The following THSD7B variants were observed in gnomAD, a reference collection of about 807,000 sequenced individuals.
THSD7B encodes thrombospondin type 1 domain containing 7B.
Under a neutral mutation model 213.6 loss-of-function variants are expected in THSD7B, and 138 were observed. The ratio of observed to expected loss-of-function variants is 0.65; its 90% CI spans 0.56 to 0.74. The LOEUF is 0.74. THSD7B is among the 30% of genes least tolerant of loss of function. THSD7B has a pLI of 0.00. For synonymous variants in THSD7B, 742 were observed against 687.0 expected (o/e 1.08, Z -1.25); for missense variants, 1,931 against 1,991.5 (o/e 0.97, Z 0.58).
At chr2:137,636,303 T>G (rs1248631840) in intron 20 of THSD7B, among the ~76,000 whole-genome samples, 2 of 152,096 alleles carry the variant, frequency 1.3e-5, no homozygotes, top group Non-Finnish European at 2.9e-5. Flanking sequence ...CAATATGGAG[T>G]GATCTTCACA....
At chr2:137,446,529 AT>A (rs538071442) in intron 14 of THSD7B, among the ~76,000 whole-genome samples, 75 of 151,988 alleles carry the variant, frequency 4.9e-4, no homozygotes, top group African/African-American at 1.6e-3. Flanking sequence ...CTGTAATAGG[AT>A]TTTTTTTGAG....
intron 12 of THSD7B, among the ~76,000 whole-genome samples, chr2:137,354,723 A>T (rs1187890732): frequency 6.6e-6 from 1 of 152,068 alleles, no homozygotes; most frequent in Non-Finnish European, 1.5e-5. Context: ...TTTTTGTATT[A>T]TGAAATTTAG....
At chr2:137,399,891 A>G (rs1302673328) in intron 12 of THSD7B, among the ~76,000 whole-genome samples, 6 of 151,966 alleles carry the variant, frequency 3.9e-5, no homozygotes, top group Admixed American at 1.3e-4. Flanking sequence ...TTCATTATTT[A>G]TATTCTTTTC....
chr2:137,077,398 C>G (rs1407231690), intron 3 of THSD7B, among the ~76,000 whole-genome samples: 1 of 152,158 alleles, frequency 6.6e-6, no homozygotes, highest in Non-Finnish European at 1.5e-5. Flanking sequence ...GAGGAATCGC[C>G]ACACTGACTT....
chr2:136,920,966 G>T (rs1237809088), intron 2 of THSD7B, among the ~76,000 whole-genome samples: 2 of 152,182 alleles, frequency 1.3e-5, no homozygotes, highest in Non-Finnish European at 2.9e-5. Flanking sequence ...GCCCTTTGAA[G>T]CCTGCAGGGG....
chr2:137,358,227 T>C (rs1022642738), intron 12 of THSD7B, among the ~76,000 whole-genome samples: 3 of 152,216 alleles, frequency 2.0e-5, no homozygotes, highest in Admixed American at 1.3e-4. Flanking sequence ...AGATTCCCAC[T>C]CAAATTTCCT....
intron 2 of THSD7B, among the ~76,000 whole-genome samples, chr2:137,031,320 G>A (rs1048852374): frequency 6.6e-6 from 1 of 152,158 alleles, no homozygotes; most frequent in Admixed American, 6.5e-5. Flanking sequence ...ACTCTAGCCT[G>A]GGCGACAGAG....
At chr2:136,938,738 C>T (rs1359428144) in intron 2 of THSD7B, among the ~76,000 whole-genome samples, 1 of 152,082 alleles carries the variant, frequency 6.6e-6, no homozygotes, top group Non-Finnish European at 1.5e-5. Flanking sequence ...AATGTGTGGA[C>T]AGAGCTTTTG....
At chr2:137,238,921 A>T (rs1027935211) in intron 9 of THSD7B, among the ~76,000 whole-genome samples, 6 of 150,652 alleles carry the variant, frequency 4.0e-5, no homozygotes, top group Non-Finnish European at 7.4e-5. Flanking sequence ...ATTTGTGTGT[A>T]TATATGTATT....
At chr2:137,303,488 T>G (rs1451773033) in intron 12 of THSD7B, among the ~76,000 whole-genome samples, 1 of 151,372 alleles carries the variant, frequency 6.6e-6, no homozygotes, top group East Asian at 1.9e-4. Flanking sequence ...TTTATTTTAA[T>G]AAACAGAATT....
At chr2:137,123,858 C>T (rs1411149623) in intron 5 of THSD7B, among the ~76,000 whole-genome samples, 1 of 152,118 alleles carries the variant, frequency 6.6e-6, no homozygotes, top group Non-Finnish European at 1.5e-5. Context: ...TCTCCTCCCT[C>T]CTCCTTTCAT....
At chr2:136,919,249 A>G (rs1558852030) in intron 2 of THSD7B, among the ~76,000 whole-genome samples, 1 of 152,238 alleles carries the variant, frequency 6.6e-6, no homozygotes, top group African/African-American at 2.4e-5. Context: ...ATAGTTGCCT[A>G]AAACAGTAAT....
At chr2:137,284,997 G>T (rs12471117) in intron 12 of THSD7B, among the ~76,000 whole-genome samples, 38,535 of 151,922 alleles carry the variant, frequency 0.25, 6,036 homozygotes, top group Non-Finnish European at 0.35. Context: ...GTTGACAGTG[G>T]GGTGTTTAAG....
At position 137,254,779 on chromosome 2, in the gene THSD7B, A is replaced by G. The variant is rs918481064; in HGVS notation, c.2266+12207A>G. On this transcript the variant is annotated intron_variant, in intron 10 of 27. Transcript: ENST00000409968. ...CTCCATTATGTATTTTTTCTACCCCAAGTAAATTGTAGGATTCATGACTAT... is the reference window on the plus strand; with the variant it reads ...CTCCATTATGTATTTTTTCTACCCCGAGTAAATTGTAGGATTCATGACTAT... Among the ~76,000 whole-genome samples, 6 of 152,240 alleles carry G rather than the reference A, an allele frequency of 3.9e-5. No individual in the cohort carries two copies. The South Asian group carries it at 1.2e-3, about 32-fold the overall frequency.
intron 12 of THSD7B, among the ~76,000 whole-genome samples, chr2:137,404,438 T>G (rs1216777808): frequency 2.9e-4 from 5 of 17,482 alleles, no homozygotes; most frequent in Non-Finnish European, 4.8e-4. Flanking sequence ...GAGATATATA[T>G]ATATATATAT....
intron 20 of THSD7B, among the ~76,000 whole-genome samples, chr2:137,638,996 A>G (rs1682886584): frequency 6.8e-6 from 1 of 146,826 alleles, no homozygotes; most frequent in South Asian, 2.2e-4. Flanking sequence ...ACGATGCAGT[A>G]TAAAAGAAAA....
intron 10 of THSD7B, 92 bp from the exon 11 acceptor site, chr2:137,272,441 A>C (rs985671563): frequency 1.3e-5 from 17 of 1,320,672 alleles, no homozygotes; most frequent in African/African-American, 1.0e-4. Flanking sequence ...TGCTTACTTT[A>C]TCTCTCTCTC....
intron 15 of THSD7B, among the ~76,000 whole-genome samples, chr2:137,479,923 T>C (rs1343395977): frequency 6.6e-6 from 1 of 152,146 alleles, no homozygotes; most frequent in African/African-American, 2.4e-5. Context: ...AGCTTTATGT[T>C]AGTATCAGGG....
chr2:136,791,621 C>T (rs1681966012), intron 1 of THSD7B, among the ~76,000 whole-genome samples: 1 of 151,058 alleles, frequency 6.6e-6, no homozygotes, highest in Non-Finnish European at 1.5e-5. Context: ...CAATTCTGGA[C>T]ATTTAATATA....
Sources: allele counts gnomAD v4.1 joint callset (sites outside exome capture counted in the v4.1 genomes callset), GRCh38; gene constraint gnomAD v4.1.1; transcripts MANE v1.5; gene names NCBI Gene and HGNC (gene_info 2026-07-23, HGNC 2026-07-21).